The following OPCML variants were observed in gnomAD, a reference collection of about 807,000 sequenced individuals.
OPCML encodes opioid binding protein/cell adhesion molecule like, also known as opioid-binding protein/cell adhesion molecule.
In OPCML, 13 loss-of-function variants were observed where a neutral mutation model predicts 37.8. The ratio of observed to expected loss-of-function variants is 0.34; its 90% CI spans 0.22 to 0.55. The LOEUF (loss-of-function observed/expected upper bound fraction) is 0.55. Among genes scored for constraint, OPCML ranks in the 20% least tolerant of loss-of-function variants. The probability of loss-of-function intolerance (pLI) is 0.91; values close to 1 mark genes in which losing one functional copy is unlikely to be tolerated. For synonymous variants in OPCML, 176 were observed against 168.8 expected (o/e 1.04, Z -0.33); for missense variants, 341 against 435.6 (o/e 0.78, Z 1.93).
chr11:133,423,856 C>T (rs541950161), intron 1 of OPCML, among the ~76,000 whole-genome samples: 1 of 152,068 alleles, frequency 6.6e-6, no homozygotes, highest in African/African-American at 2.4e-5. Flanking sequence ...AAGAGTGTGG[C>T]ACCTCCACCC....
At chr11:133,234,732 T>C (rs1242014518) in intron 1 of OPCML, among the ~76,000 whole-genome samples, 1 of 152,264 alleles carries the variant, frequency 6.6e-6, no homozygotes, top group Admixed American at 6.5e-5. Flanking sequence ...CTAGCCTTTC[T>C]TCAGTGGTTT....
chr11:133,099,020 T>C (rs1949046430), intron 1 of OPCML, among the ~76,000 whole-genome samples: 1 of 152,102 alleles, frequency 6.6e-6, no homozygotes, highest in African/African-American at 2.4e-5. Flanking sequence ...CAATTTCCTA[T>C]ATACCGGCAA....
At chr11:132,837,011 G>A (rs1941044216) in intron 2 of OPCML, among the ~76,000 whole-genome samples, 2 of 152,174 alleles carry the variant, frequency 1.3e-5, no homozygotes, top group African/African-American at 4.8e-5. Flanking sequence ...AAGTGGAAGT[G>A]TTTAAAACAG....
intron 2 of OPCML, among the ~76,000 whole-genome samples, chr11:132,688,368 C>G (rs1565777029): frequency 6.6e-6 from 1 of 152,098 alleles, no homozygotes; most frequent in African/African-American, 2.4e-5. Context: ...TAAACTGGTA[C>G]CCGTAATCTA....
intron 1 of OPCML, among the ~76,000 whole-genome samples, chr11:133,507,946 CAAAAA>C (rs200433156): frequency 1.0e-5 from 1 of 98,764 alleles, no homozygotes; most frequent in African/African-American, 3.4e-5. Flanking sequence ...AAGTATGTCT[CAAAAA>C]AAAAAAAAAA....
intron 1 of OPCML, among the ~76,000 whole-genome samples, chr11:133,393,534 T>A (rs564509606): frequency 1.3e-5 from 2 of 152,292 alleles, no homozygotes; most frequent in South Asian, 2.1e-4. Flanking sequence ...CTCTCCTTTA[T>A]AGAATGATGT....
chr11:133,303,571 C>A (rs1271220816), intron 1 of OPCML, among the ~76,000 whole-genome samples: 2 of 152,286 alleles, frequency 1.3e-5, no homozygotes, highest in East Asian at 3.9e-4. Flanking sequence ...CTATTAATAA[C>A]TTGCATCACA....
chr11:133,150,591 C>T (rs1949965335), intron 1 of OPCML, among the ~76,000 whole-genome samples: 1 of 152,196 alleles, frequency 6.6e-6, no homozygotes, highest in South Asian at 2.1e-4. Context: ...CCTTACTGTC[C>T]TGATAGCTTC....
rs965492010 is a variant in OPCML at position 133,003,994 on chromosome 11, G to A, written c.62-60984C>T. ...ATCCCTCGAGAAGTCCCTGCACCCC[G>A]AGGAAGTGGCACACGTCTCTCACCG... is the stretch of plus-strand genomic sequence containing the variant. On this transcript the variant is annotated intron_variant, in intron 1 of 7. Coordinates refer to ENST00000524381, the MANE Select transcript of OPCML (RefSeq NM_001012393.5). 1.3e-4 allele frequency: 125 copies of A among 985,296 alleles called. 1 individual carries two copies. Among genetic ancestry groups the A allele is most frequent in the South Asian group, 7.5e-4 (16 of 21,286 alleles). The allele number at this position is 985,296 out of a possible 1,614,324, so 61.0% of individuals were successfully genotyped here.
intron 1 of OPCML, chr11:133,118,211 C>T: frequency 1.0e-6 from 1 of 984,632 alleles, no homozygotes; most frequent in Non-Finnish European, 1.2e-6. Flanking sequence ...AGGCCCTGTT[C>T]TTTCTGGGAC....
intron 4 of OPCML, among the ~76,000 whole-genome samples, chr11:132,507,494 T>C (rs1441281260): frequency 2.0e-5 from 3 of 151,956 alleles, no homozygotes; most frequent in African/African-American, 7.2e-5. Context: ...TACATTAACA[T>C]AAATATCTAT....
At position 132,582,922 on chromosome 11, in the gene OPCML, T is replaced by C. The variant is rs191235656; in HGVS notation, c.380-53736A>G. ...GTACAATGGAGTGATCATAGCTCAC[T>C]GCAGCCTCGAACTCCCAGGCTCAAT... On this transcript the variant is annotated intron_variant, in intron 3 of 7. Transcript: ENST00000524381. Among the ~76,000 whole-genome samples the C allele has an allele frequency of 1.2e-3, 174 of 144,798 alleles. 1 individual carries two copies. The highest frequency in any genetic ancestry group is 3.6e-3 in the Middle Eastern group (1 of 280). 95.0% of individuals were successfully genotyped at this position (144,798 alleles called of 152,430 possible). A position where few individuals can be genotyped will look rare whatever the true frequency, so the allele number is the denominator to read the frequency against.
intron 1 of OPCML, among the ~76,000 whole-genome samples, chr11:133,518,167 A>T (rs1432323472): frequency 6.6e-6 from 1 of 151,756 alleles, no homozygotes; most frequent in East Asian, 1.9e-4. Flanking sequence ...GTGTGTGTGG[A>T]TATAGGCAAG....
At chr11:133,489,166 G>A (rs1453670520) in intron 1 of OPCML, among the ~76,000 whole-genome samples, 1 of 151,986 alleles carries the variant, frequency 6.6e-6, no homozygotes, top group Non-Finnish European at 1.5e-5. Flanking sequence ...CATTGGCCTA[G>A]GCAAAGAATT....
chr11:133,379,558 G>A (rs1227369718), intron 1 of OPCML, among the ~76,000 whole-genome samples: 1 of 152,148 alleles, frequency 6.6e-6, no homozygotes, highest in Non-Finnish European at 1.5e-5. Context: ...CTTAGTATGT[G>A]GTACCTCCTT....
At chr11:133,416,596 C>T (rs1945771676) in intron 1 of OPCML, among the ~76,000 whole-genome samples, 1 of 152,204 alleles carries the variant, frequency 6.6e-6, no homozygotes, top group African/African-American at 2.4e-5. Context: ...TGACCATGAG[C>T]TCCTTGAGAA....
intron 1 of OPCML, among the ~76,000 whole-genome samples, chr11:133,217,451 G>A (rs987001970): frequency 6.6e-6 from 1 of 152,182 alleles, no homozygotes; most frequent in African/African-American, 2.4e-5. Context: ...AAAGCACAGT[G>A]GGGCACCCAC....
At position 132,985,258 on chromosome 11, in the gene OPCML, G is replaced by A. The variant is rs77508172; in HGVS notation, c.62-42248C>T. 3.8e-3 allele frequency among the ~76,000 whole-genome samples: 585 copies of A among 152,254 alleles called. 3 individuals are homozygous for A. Among genetic ancestry groups the A allele is most frequent in the Non-Finnish European group, 5.2e-3 (355 of 68,024 alleles). On this transcript the variant is annotated intron_variant, in intron 1 of 7. Coordinates refer to ENST00000524381, the MANE Select transcript of OPCML (RefSeq NM_001012393.5). Reference sequence around the variant, plus strand: ...AGGCACTCTACTCAGGACATCACCAGGCCAAAATCAAGGTCTGGGGTGGCC... The same window carrying A: ...AGGCACTCTACTCAGGACATCACCAAGCCAAAATCAAGGTCTGGGGTGGCC...
intron 3 of OPCML, among the ~76,000 whole-genome samples, chr11:132,589,203 G>A (rs1160537884): frequency 1.3e-5 from 2 of 152,042 alleles, no homozygotes; most frequent in African/African-American, 2.4e-5. Context: ...AAAATGCATA[G>A]AAACCATTGT....
Sources: gnomAD v4.1 joint callset for allele counts (sites outside exome capture counted in the v4.1 genomes callset) on GRCh38, gnomAD v4.1.1 for gene constraint, MANE v1.5 for transcripts, NCBI Gene and HGNC (gene_info 2026-07-23, HGNC 2026-07-21) for gene names.